The following LOXL1 variants were observed in gnomAD, a reference collection of about 807,000 sequenced individuals.
The protein encoded by LOXL1 is lysyl oxidase like 1.
LOXL1 carries 31 observed loss-of-function variants against 62.2 expected under a neutral mutation model. The ratio of observed to expected loss-of-function variants is 0.50; its 90% CI spans 0.37 to 0.67. LOXL1 has a LOEUF of 0.67. Ranked by LOEUF, LOXL1 falls within the 30% of genes least tolerant of loss-of-function variation. The pLI is 0.00. For synonymous variants in LOXL1, 403 were observed against 384.4 expected, an observed-to-expected ratio of 1.05 and a Z score of -0.56; for missense variants, 775 against 843.4, an observed-to-expected ratio of 0.92 and a Z score of 1.00.
intron 1 of LOXL1, among the ~76,000 whole-genome samples, chr15:73,933,047 C>A (rs4886778): frequency 0.52 from 78,749 of 151,984 alleles, 20,712 homozygotes; most frequent in East Asian, 0.67. Context: ...CCTTCTCTCT[C>A]CCCTGCTCTC....
chr15:73,939,972 C>T (rs934667384), intron 1 of LOXL1, among the ~76,000 whole-genome samples: 2 of 152,128 alleles, frequency 1.3e-5, no homozygotes, highest in African/African-American at 4.8e-5. Context: ...CTAGAACAGT[C>T]ATTAAAGAGG....
intron 6 of LOXL1, 21 bp downstream of exon 6, chr15:73,949,595 CT>C: frequency 6.5e-7 from 1 of 1,535,934 alleles, no homozygotes; most frequent in Non-Finnish European, 9.0e-7. Context: ...GCCCACCACC[CT>C]TCCTGGCTCC....
rs2068597627 is a variant in LOXL1, at chr15:73,927,702, C to G, written c.919C>G (p.Leu307Val). The change falls in exon 1 of 7, where the codon CTG becomes GTG. Residue 307 changes from leucine to valine, a missense_variant. Physicochemically the swap from Leu to Val is conservative, Grantham distance 32 (BLOSUM62 1). Transcript: ENST00000261921. ...AAQAHGGDPR[L>V]GWYPPYANPP... ...GCAGGCCCATGGCGGAGACCCACGC[C>G]TGGGCTGGTACCCGCCCTACGCCAA... The G allele has an allele frequency of 6.8e-7, 1 of 1,480,034 alleles. No homozygotes were observed. Among genetic ancestry groups the G allele is most frequent in the African/African-American group, 1.5e-5 (1 of 68,400 alleles). The allele number at this position is 1,480,034 out of a possible 1,614,324, so 91.7% of individuals were successfully genotyped here. A position where few individuals can be genotyped will look rare whatever the true frequency, so the allele number is the denominator to read the frequency against.
Position 73,946,630 on chromosome 15 carries a change from C to T in LOXL1, c.1349+76C>T, listed in dbSNP as rs2068749939. On this transcript the variant is annotated intron_variant, in intron 3 of 6. Transcript: ENST00000261921. ...GGGACCTTGGTGCCTGAGCTCCCCTCCCACCATGAGCACTCTGGGAGACAC... is the reference window on the plus strand; with the variant it reads ...GGGACCTTGGTGCCTGAGCTCCCCTTCCACCATGAGCACTCTGGGAGACAC... 3 of 1,502,746 alleles carry T rather than the reference C, an allele frequency of 2.0e-6. No homozygotes were observed. The Admixed American group carries it at 6.0e-5, about 30-fold the overall frequency. The allele number at this position is 1,502,746 out of a possible 1,614,324, so 93.1% of individuals were successfully genotyped here. A position where few individuals can be genotyped will look rare whatever the true frequency, so the allele number is the denominator to read the frequency against.
chr15:73,940,237 G>A (rs1391484626), intron 1 of LOXL1, among the ~76,000 whole-genome samples: 1 of 152,146 alleles, frequency 6.6e-6, no homozygotes, highest in East Asian at 1.9e-4. Flanking sequence ...CCCTGCCTGA[G>A]CCTGAGATTC....
chr15:73,935,824 G>C (rs1252446115), intron 1 of LOXL1, among the ~76,000 whole-genome samples: 2 of 152,196 alleles, frequency 1.3e-5, no homozygotes, highest in Non-Finnish European at 2.9e-5. Flanking sequence ...CATTGGTGGG[G>C]TGGACAGGTG....
chr15:73,951,144 A>G (rs1203363029), intron 6 of LOXL1, among the ~76,000 whole-genome samples: 1 of 152,158 alleles, frequency 6.6e-6, no homozygotes, highest in African/African-American at 2.4e-5. Context: ...GGGCTCGGGG[A>G]GGCAGGGAAT....
chr15:73,936,048 G>A (rs911788435), intron 1 of LOXL1, among the ~76,000 whole-genome samples: 1 of 151,282 alleles, frequency 6.6e-6, no homozygotes, highest in Non-Finnish European at 1.5e-5. Flanking sequence ...AAAGGTTGGG[G>A]TATGCTGCCA....
chr15:73,927,384 G>A lies in LOXL1; in HGVS notation c.601G>A (p.Gly201Ser). ...CCCCGCGTCGCGGACCTACGACCAGGGTTTCGTGTACTACCGGCCCGCGGG... is the reference window on the plus strand; with the variant it reads ...CCCCGCGTCGCGGACCTACGACCAGAGTTTCGTGTACTACCGGCCCGCGGG... ...YDPASRTYDQ[G>S]FVYYRPAGGG... The change falls in exon 1 of 7, where the codon GGT becomes AGT. Residue 201 changes from glycine (G) to serine (S), a missense_variant. Transcript: ENST00000261921. 6.3e-7 allele frequency: 1 copy of A among 1,584,134 alleles called. No homozygotes were observed. The highest frequency in any genetic ancestry group is 8.6e-7 in the Non-Finnish European group (1 of 1,166,354).
At chr15:73,951,135 G>A (rs543487643) in intron 6 of LOXL1, among the ~76,000 whole-genome samples, 7 of 152,178 alleles carry the variant, frequency 4.6e-5, no homozygotes, top group Non-Finnish European at 8.8e-5. Context: ...GGCTGCTGGG[G>A]GCTCGGGGAG....
At chr15:73,935,965 G>GTGTGTGTGTT (rs2068668508) in intron 1 of LOXL1, among the ~76,000 whole-genome samples, 1 of 151,302 alleles carries the variant, frequency 6.6e-6, no homozygotes, top group Admixed American at 6.6e-5. Flanking sequence ...GTGTGTGTGT[G>GTGTGTGTGTT]TGTGTGTGTA....
At chr15:73,931,649 A>G (rs2141623067) in intron 1 of LOXL1, among the ~76,000 whole-genome samples, 1 of 152,244 alleles carries the variant, frequency 6.6e-6, no homozygotes, top group Non-Finnish European at 1.5e-5. Flanking sequence ...CCAAGAGGCC[A>G]GACCTGTCTG....
intron 1 of LOXL1, among the ~76,000 whole-genome samples, chr15:73,937,931 C>T (rs1258727166): frequency 6.6e-6 from 1 of 152,170 alleles, no homozygotes. Context: ...AGGAGGGGCA[C>T]GTACGGCCGT....
At chr15:73,951,804 A>G (rs376671295) in intron 6 of LOXL1, 27 bp from the exon 7 acceptor site, 8 of 1,543,270 alleles carry the variant, frequency 5.2e-6, no homozygotes, top group Non-Finnish European at 7.0e-6. Flanking sequence ...GCAGCCCCTC[A>G]TTGACCCACT....
Position 73,946,483 on chromosome 15 carries a change from G to T in LOXL1, c.1278G>T (p.Val426=). Residue 426 remains valine, a synonymous_variant, in exon 3 of 7, where the codon GTG becomes GTT. Transcript: ENST00000261921. ...VRVLLRFPQR[V]KNQGTADFLP... ...TGCTACTGCGCTTCCCCCAGCGCGT[G>T]AAGAACCAGGGCACAGCAGACTTCC... 6.2e-7 allele frequency: 1 copy of T among 1,612,548 alleles called. No homozygotes were observed. Among genetic ancestry groups the T allele is most frequent in the South Asian group, 1.1e-5 (1 of 90,710 alleles).
In LOXL1 at chr15:73,926,754, T is replaced by G; in HGVS notation, c.-30T>G. The stretch of plus-strand genomic sequence containing the variant: ...AGGGGGCCACTCCTGAGAGCCTCTC[T>G]GTCCACCAGGCCTCTGCAGAGGGGT... On this transcript the variant is annotated 5_prime_UTR_variant, in exon 1 of 7. Coordinates refer to ENST00000261921, the MANE Select transcript of LOXL1 (RefSeq NM_005576.4). 7.4e-7 allele frequency: 1 copy of G among 1,359,538 alleles called. No homozygotes were observed. The highest frequency in any genetic ancestry group is 9.5e-7 in the Non-Finnish European group (1 of 1,048,604). The allele number at this position is 1,359,538 out of a possible 1,614,324, so 84.2% of individuals were successfully genotyped here.
Position 73,927,562 on chromosome 15 carries a change from T to TGCCGCCGCCGCC in LOXL1, c.786_797dup (p.Pro264_Pro267dup). 2 of 1,240,728 alleles carry TGCCGCCGCCGCC rather than the reference T, an allele frequency of 1.6e-6. No homozygotes were observed. The highest frequency in any genetic ancestry group is 2.1e-6 in the Non-Finnish European group (2 of 958,904). 76.9% of individuals were successfully genotyped at this position (1,240,728 alleles called of 1,614,324 possible). ...TACCCGGCCCCCGAGAGGCCCTACG[T>TGCCGCCGCCGCC]GCCGCCGCCGCCGCCGCCCCCCGAC... On this transcript the variant is annotated inframe_insertion, in exon 1 of 7. Coordinates refer to ENST00000261921, the MANE Select transcript of LOXL1 (RefSeq NM_005576.4).
At chr15:73,941,225 A>G (rs2141631583) in intron 1 of LOXL1, among the ~76,000 whole-genome samples, 1 of 152,294 alleles carries the variant, frequency 6.6e-6, no homozygotes, top group Non-Finnish European at 1.5e-5. Flanking sequence ...AGGCTGGCCA[A>G]GAAGTCCCCC....
Position 73,927,792 on chromosome 15 carries a change from T to G in LOXL1, c.1009T>G (p.Ser337Ala), listed in dbSNP as rs2068599734. The change falls in exon 1 of 7, where the codon TCC becomes GCC. Residue 337 changes from serine (S) to alanine (A), a missense_variant. Transcript: ENST00000261921. ...GCCGCCCTACCTGCCGGTGCGCAGC[T>G]CCGACACGCCCCCGCCGGGTGGGGA... is the stretch of plus-strand genomic sequence containing the variant. Reference protein sequence around the residue: ...LEPPYLPVRSSDTPPPGGERN... With the variant: ...LEPPYLPVRSADTPPPGGERN... 1 of 1,393,612 alleles carries G rather than the reference T, an allele frequency of 7.2e-7. No individual in the cohort carries two copies. The highest frequency in any genetic ancestry group is 1.5e-5 in the African/African-American group (1 of 65,984). 86.3% of individuals were successfully genotyped at this position (1,393,612 alleles called of 1,614,324 possible).
Sources: gnomAD v4.1 joint callset for allele counts (sites outside exome capture counted in the v4.1 genomes callset) on GRCh38, gnomAD v4.1.1 for gene constraint, MANE v1.5 for transcripts, NCBI Gene and HGNC (gene_info 2026-07-23, HGNC 2026-07-21) for gene names.